Variants in CEMIP2 observed in about 807,000 individuals in gnomAD.
CEMIP2 encodes the protein cell surface hyaluronidase CEMIP2.
Under a neutral mutation model 146.9 loss-of-function variants are expected in CEMIP2, and 79 were observed. The ratio of observed to expected loss-of-function variants is 0.54; its 90% CI spans 0.45 to 0.65. The LOEUF is 0.65. CEMIP2 is among the 30% of genes least tolerant of loss of function. The probability of loss-of-function intolerance (pLI) is 0.00; values close to 1 mark genes in which losing one functional copy is unlikely to be tolerated. For missense variants in CEMIP2, 1,596 were observed against 1,696.2 expected (o/e 0.94, Z 1.04); for synonymous variants, 601 against 606.3 (o/e 0.99, Z 0.13).
chr9:71,685,501 AT>A, intron 23 of CEMIP2, 108 bp from the exon 24 acceptor site: 1 of 1,288,688 alleles, frequency 7.8e-7, no homozygotes, highest in East Asian at 2.6e-5. Flanking sequence ...AAAGGCAGCT[AT>A]TAAAAAACTC....
chr9:71,706,069 A>C (rs1276261468), intron 17 of CEMIP2, among the ~76,000 whole-genome samples: 5 of 152,036 alleles, frequency 3.3e-5, no homozygotes, highest in African/African-American at 1.2e-4. Flanking sequence ...TCTCTATTAA[A>C]AATACAAAAA....
At chr9:71,733,769 C>G (rs1177286583) in intron 6 of CEMIP2, among the ~76,000 whole-genome samples, 1 of 152,058 alleles carries the variant, frequency 6.6e-6, no homozygotes, top group African/African-American at 2.4e-5. Flanking sequence ...GTGCCTAGTA[C>G]CAGGCTCAAA....
At chr9:71,703,847 A>G (rs1822647465) in intron 18 of CEMIP2, among the ~76,000 whole-genome samples, 1 of 152,182 alleles carries the variant, frequency 6.6e-6, no homozygotes, top group Admixed American at 6.5e-5. Flanking sequence ...CATCAGAATC[A>G]TTCCTCACTG....
At chr9:71,745,624 C>G (rs753494640) in intron 3 of CEMIP2, 45 bp from the exon 4 acceptor site, 3 of 1,505,942 alleles carry the variant, frequency 2.0e-6, no homozygotes, top group African/African-American at 2.8e-5. Flanking sequence ...AATCATCTTT[C>G]TGAGATACAA....
intron 15 of CEMIP2, among the ~76,000 whole-genome samples, chr9:71,714,705 A>G (rs938049642): frequency 6.6e-6 from 1 of 152,238 alleles, no homozygotes; most frequent in Non-Finnish European, 1.5e-5. Flanking sequence ...AATTAAATCT[A>G]TGAAATGTTT....
In CEMIP2 at chr9:71,684,075, A is replaced by G. The variant is rs892739539; in HGVS notation, c.*1122T>C. The stretch of plus-strand genomic sequence containing the variant: ...CACAGCATGCTTTTTAATTGGCTTT[A>G]ACATTTCATTAAGTAAGAGTGACTC... On this transcript the variant is annotated 3_prime_UTR_variant, in exon 24 of 24. Transcript: ENST00000377044. The G allele has an allele frequency of 2.0e-5, 3 of 152,260 alleles. No homozygotes were observed. The highest frequency in any genetic ancestry group is 4.8e-5 in the African/African-American group (2 of 41,466). 9.4% of individuals were successfully genotyped at this position (152,260 alleles called of 1,614,324 possible).
Position 71,728,275 on chromosome 9 carries a change from A to ATGTG in CEMIP2, c.2049+1569_2049+1570insCACA, listed in dbSNP as rs1823482080. ...TGTATATACACGTATATATATATAT[A>ATGTG]TATATGTATATATATATATATATAT... On this transcript the variant is annotated intron_variant, in intron 10 of 23. Coordinates refer to ENST00000377044, the MANE Select transcript of CEMIP2 (RefSeq NM_013390.3). Among the ~76,000 whole-genome samples the ATGTG allele has an allele frequency of 5.4e-3, 68 of 12,704 alleles. 13 individuals carry two copies. The highest frequency in any genetic ancestry group is 7.2e-3 in the African/African-American group (39 of 5,386). The allele number at this position is 12,704 out of a possible 152,430, so 8.3% of individuals were successfully genotyped here. A position where few individuals can be genotyped will look rare whatever the true frequency, so the allele number is the denominator to read the frequency against.
chr9:71,692,557 C>T (rs1051761679), intron 21 of CEMIP2, among the ~76,000 whole-genome samples: 2 of 151,880 alleles, frequency 1.3e-5, no homozygotes, highest in African/African-American at 2.4e-5. Flanking sequence ...AATTACATCA[C>T]GGGTGTATTA....
At chr9:71,699,879 T>C (rs548458650) in intron 19 of CEMIP2, among the ~76,000 whole-genome samples, 1 of 152,364 alleles carries the variant, frequency 6.6e-6, no homozygotes, top group Admixed American at 6.5e-5. Context: ...ACATTGAATA[T>C]AGAACCGAGA....
At chr9:71,690,786 C>T (rs547576608) in intron 21 of CEMIP2, among the ~76,000 whole-genome samples, 3 of 152,216 alleles carry the variant, frequency 2.0e-5, no homozygotes, top group South Asian at 2.1e-4. Context: ...ATAATTTTAC[C>T]GGAATTTAAG....
At chr9:71,717,249 T>C (rs1398423310) in intron 13 of CEMIP2, among the ~76,000 whole-genome samples, 3 of 152,206 alleles carry the variant, frequency 2.0e-5, no homozygotes, top group Non-Finnish European at 4.4e-5. Context: ...GCTATAATTA[T>C]TATTTTTATA....
At position 71,744,950 on chromosome 9, in the gene CEMIP2, C is replaced by A. The variant is rs879049731; in HGVS notation, c.1034+68G>T. 2.6e-6 allele frequency: 4 copies of A among 1,510,414 alleles called. No homozygotes were observed. The African/African-American group carries it at 4.2e-5, about 16-fold the overall frequency. 93.6% of individuals were successfully genotyped at this position (1,510,414 alleles called of 1,614,324 possible). On this transcript the variant is annotated intron_variant, in intron 4 of 23. Transcript: ENST00000377044. ...GTCATGCTGTGGCTGTGGCTCCTTT[C>A]CCCACCCTCACTCTCCTCTCACACA...
intron 5 of CEMIP2, among the ~76,000 whole-genome samples, chr9:71,738,592 T>A (rs913602560): frequency 4.6e-5 from 7 of 151,822 alleles, no homozygotes; most frequent in African/African-American, 1.5e-4. Flanking sequence ...GTAATCCCAG[T>A]ACCTTGGGAG....
intron 16 of CEMIP2, among the ~76,000 whole-genome samples, chr9:71,711,395 T>TA (rs34605983): frequency 0.45 from 66,385 of 146,122 alleles, 17,349 homozygotes; most frequent in Non-Finnish European, 0.6. Context: ...CTTTCTCTAT[T>TA]AAAAAAAAAA....
In CEMIP2 at chr9:71,690,438, A is replaced by G. The variant is rs146580932; in HGVS notation, c.3697-192T>C. The stretch of plus-strand genomic sequence containing the variant: ...GCGTCTGTGTTCCTAGGCACTGCCT[A>G]TAGATTCTGCCTTGACTGATGTTTG... On this transcript the variant is annotated intron_variant, in intron 21 of 23. Transcript: ENST00000377044. Among the ~76,000 whole-genome samples the G allele has an allele frequency of 3.1e-3, 471 of 152,306 alleles. 5 individuals are homozygous for G. Among genetic ancestry groups the G allele is most frequent in the African/African-American group, 0.011 (453 of 41,566 alleles).
chr9:71,728,819 G>T (rs982639386), intron 10 of CEMIP2, among the ~76,000 whole-genome samples: 77 of 149,116 alleles, frequency 5.2e-4, no homozygotes, highest in African/African-American at 1.8e-3. Context: ...GGGTTTTTGT[G>T]TGTGTGTGTG....
rs1467528219 is a variant in CEMIP2 at position 71,728,273 on chromosome 9, A to ACACG, written c.2049+1571_2049+1572insCGTG. On this transcript the variant is annotated intron_variant, in intron 10 of 23. Transcript: ENST00000377044. ...TATGTATATACACGTATATATATAT[A>ACACG]TATATATGTATATATATATATATAT... Among the ~76,000 whole-genome samples, 34 of 9,602 alleles carry ACACG rather than the reference A, an allele frequency of 3.5e-3. 3 individuals carry two copies. Among genetic ancestry groups the ACACG allele is most frequent in the Non-Finnish European group, 8.6e-3 (26 of 3,032 alleles). The allele number at this position is 9,602 out of a possible 152,430, so 6.3% of individuals were successfully genotyped here. A position where few individuals can be genotyped will look rare whatever the true frequency, so the allele number is the denominator to read the frequency against.
At position 71,730,073 on chromosome 9, in the gene CEMIP2, T is replaced by C. The variant is rs759845167; in HGVS notation, c.1954A>G (p.Ile652Val). 2.7e-5 allele frequency: 44 copies of C among 1,614,096 alleles called. No homozygotes were observed. Among genetic ancestry groups the C allele is most frequent in the Non-Finnish European group, 3.4e-5 (40 of 1,180,062 alleles). ...TMRDKVFGNY[I>V]PVPATDCMAV... Reference sequence around the variant, plus strand: ...ATACAGTCAGTAGCAGGCACAGGAATGTAATTTCCAAACACTTTATCTCGC... The same window carrying C: ...ATACAGTCAGTAGCAGGCACAGGAACGTAATTTCCAAACACTTTATCTCGC... The change falls in exon 9 of 24, where the codon ATT becomes GTT. Residue 652 changes from isoleucine (I) to valine (V), a missense_variant. By Grantham distance (29) the Ile-to-Val change is conservative. Transcript: ENST00000377044.
chr9:71,744,950 C>T (rs879049731), intron 4 of CEMIP2, 68 bp downstream of exon 4: 3 of 1,510,526 alleles, frequency 2.0e-6, no homozygotes. Context: ...TGGCTCCTTT[C>T]CCCACCCTCA....
Sources: gnomAD v4.1 joint callset for allele counts (sites outside exome capture counted in the v4.1 genomes callset) on GRCh38, gnomAD v4.1.1 for gene constraint, MANE v1.5 for transcripts, NCBI Gene and HGNC (gene_info 2026-07-23, HGNC 2026-07-21) for gene names.